ULK2: variants seen among roughly 807,000 people sequenced by gnomAD.
ULK2 encodes serine/threonine-protein kinase ULK2.
In ULK2, 76 loss-of-function variants were observed where a neutral mutation model predicts 127.5. The observed-to-expected ratio is 0.60, with a 90% CI of 0.50 to 0.72. The LOEUF (loss-of-function observed/expected upper bound fraction) is 0.72, where lower values mean the gene tolerates loss of function less well. Among genes scored for constraint, ULK2 ranks in the 30% least tolerant of loss-of-function variants. The pLI is 0.00. For synonymous variants in ULK2, 452 were observed against 461.9 expected, an observed-to-expected ratio of 0.98 and a Z score of 0.28; for missense variants, 1,144 against 1,295.9, an observed-to-expected ratio of 0.88 and a Z score of 1.80.
At chr17:19,793,272 T>A (rs2152384568) in intron 20 of ULK2, among the ~76,000 whole-genome samples, 1 of 152,106 alleles carries the variant, frequency 6.6e-6, no homozygotes, top group African/African-American at 2.4e-5. Context: ...TTCAATTACC[T>A]CCACCTGGCT....
chr17:19,852,002 C>T (rs1016762300), intron 3 of ULK2, among the ~76,000 whole-genome samples: 2 of 142,542 alleles, frequency 1.4e-5, no homozygotes, highest in African/African-American at 2.7e-5. Context: ...GCCGAGATTG[C>T]GCCACTGCAT....
In ULK2 at chr17:19,772,462, G is replaced by C. The variant is rs17720618; in HGVS notation, c.*3887C>G. On this transcript the variant is annotated 3_prime_UTR_variant, in exon 27 of 27. Coordinates refer to ENST00000395544, the MANE Select transcript of ULK2 (RefSeq NM_014683.4). ...AAGGGTCCAGGACTCAGAAAAAAGT[G>C]GTCTGAGGCCGTCTAGAAATAGGCA... The C allele has an allele frequency of 0.085, 12,980 of 152,222 alleles. 752 individuals carry two copies. Among genetic ancestry groups the C allele is most frequent in the Middle Eastern group, 0.14 (41 of 294 alleles). 9.4% of individuals were successfully genotyped at this position (152,222 alleles called of 1,614,324 possible). A position where few individuals can be genotyped will look rare whatever the true frequency, so the allele number is the denominator to read the frequency against.
At chr17:19,838,766 G>A (rs551140270) in intron 9 of ULK2, among the ~76,000 whole-genome samples, 183 bp from the exon 10 acceptor site, 1 of 152,096 alleles carries the variant, frequency 6.6e-6, no homozygotes, top group African/African-American at 2.4e-5. Flanking sequence ...TGTGGTTCAC[G>A]CCTGTAATCC....
intron 12 of ULK2, among the ~76,000 whole-genome samples, chr17:19,817,416 AGGAAG>A (rs1209643773): frequency 6.6e-6 from 1 of 152,222 alleles, no homozygotes; most frequent in Non-Finnish European, 1.5e-5. Context: ...TAGACAAATC[AGGAAG>A]GGTGCCTGCA....
rs2087347464 is a variant in ULK2 at position 19,799,493 on chromosome 17, A to C, written c.1522+2T>G. On this transcript the variant is annotated splice_donor_variant, in intron 17 of 26. Coordinates refer to ENST00000395544, the MANE Select transcript of ULK2 (RefSeq NM_014683.4). LOFTEE classifies it high-confidence loss of function. ...ATTAATAAACCAAATACATTATCCTACCTGAGGAGTTTCTACTCCTGGAGT... is the reference window on the plus strand; with the variant it reads ...ATTAATAAACCAAATACATTATCCTCCCTGAGGAGTTTCTACTCCTGGAGT... 7.7e-6 allele frequency: 12 copies of C among 1,563,166 alleles called. No homozygotes were observed. The highest frequency in any genetic ancestry group is 9.5e-6 in the Non-Finnish European group (11 of 1,162,028).
Position 19,849,419 on chromosome 17 carries a change from GAGAA to G in ULK2, c.259-18_259-15del. The G allele has an allele frequency of 6.2e-7, 1 of 1,601,932 alleles. No individual in the cohort carries two copies. The highest frequency in any genetic ancestry group is 8.5e-7 in the Non-Finnish European group (1 of 1,172,106). On this transcript the variant is annotated splice_polypyrimidine_tract_variant and intron_variant, in intron 4 of 26. Coordinates refer to ENST00000395544, the MANE Select transcript of ULK2 (RefSeq NM_014683.4). ...ACCATTGCAATACTGACATAGAAAA[GAGAA>G]AGTAATGAAAATAAGGACAGTGATT...
intron 21 of ULK2, 116 bp downstream of exon 21, chr17:19,785,821 A>G: frequency 7.8e-7 from 1 of 1,278,086 alleles, no homozygotes; most frequent in Non-Finnish European, 1.0e-6. Context: ...TCACTGGTAA[A>G]GAAACTGAAG....
chr17:19,785,631 A>C (rs1035436517), intron 21 of ULK2, among the ~76,000 whole-genome samples: 1 of 152,062 alleles, frequency 6.6e-6, no homozygotes, highest in Non-Finnish European at 1.5e-5. Flanking sequence ...AGAACCATAT[A>C]CGATTTGCTT....
intron 7 of ULK2, among the ~76,000 whole-genome samples, chr17:19,843,888 G>C (rs1473857599): frequency 6.6e-6 from 1 of 152,010 alleles, no homozygotes; most frequent in South Asian, 2.1e-4. Flanking sequence ...TCGAACTCCT[G>C]ACCTCGTGAT....
At position 19,825,071 on chromosome 17, in the gene ULK2, ATTT is replaced by A. The variant is rs2041253623; in HGVS notation, c.924+20_924+22del. 1 of 1,606,560 alleles carries A rather than the reference ATTT, an allele frequency of 6.2e-7. No homozygotes were observed. The highest frequency in any genetic ancestry group is 1.3e-5 in the African/African-American group (1 of 74,768). ...ATGTAATAGCACTAACTCTGAAATT[ATTT>A]TTAATAAACTGTAACTTACTGGTGG... On this transcript the variant is annotated intron_variant, in intron 12 of 26. Transcript: ENST00000395544.
chr17:19,794,815 C>T (rs1307021019), intron 20 of ULK2, among the ~76,000 whole-genome samples: 10 of 151,828 alleles, frequency 6.6e-5, no homozygotes, highest in Admixed American at 6.6e-4. Context: ...ATGTTGATTC[C>T]TAAAAACCCC....
chr17:19,811,621 T>G (rs1179462670), intron 13 of ULK2, among the ~76,000 whole-genome samples: 1 of 152,056 alleles, frequency 6.6e-6, no homozygotes, highest in Non-Finnish European at 1.5e-5. Context: ...TTTGTATTTT[T>G]AGTAGAGACA....
At chr17:19,850,744 G>GA (rs1279181348) in intron 3 of ULK2, among the ~76,000 whole-genome samples, 1 of 152,074 alleles carries the variant, frequency 6.6e-6, no homozygotes, top group Non-Finnish European at 1.5e-5. Flanking sequence ...AGAATGGCAT[G>GA]AACCTGGGAG....
Position 19,783,717 on chromosome 17 carries a change from G to A in ULK2, c.2440C>T (p.Pro814Ser). The part of the protein sequence containing the change: ...GLITFEAPEL[P>S]EETLMEREHT... ...TCTACCTCCATCAGCGTCTCCTCCG[G>A]CAGTTCAGGGGCTTCAAAGGTGATG... Residue 814 changes from proline (P) to serine (S), a missense_variant, in exon 22 of 27, where the codon CCG becomes TCG. Pro to Ser is a moderately conservative substitution (Grantham distance 74). Coordinates refer to ENST00000395544, the MANE Select transcript of ULK2 (RefSeq NM_014683.4). 6.4e-7 allele frequency: 1 copy of A among 1,553,934 alleles called. No homozygotes were observed. Among genetic ancestry groups the A allele is most frequent in the Non-Finnish European group, 8.7e-7 (1 of 1,149,432 alleles).
At chr17:19,780,210 G>A (rs1456221445) in intron 25 of ULK2, among the ~76,000 whole-genome samples, 2 of 151,620 alleles carry the variant, frequency 1.3e-5, no homozygotes, top group Admixed American at 6.6e-5. Flanking sequence ...ATTAGATCAT[G>A]CCTAATGCCA....
Position 19,841,552 on chromosome 17 carries a change from T to TAAA in ULK2, c.646-8_646-6dup. On this transcript the variant is annotated splice_polypyrimidine_tract_variant and splice_region_variant and intron_variant, in intron 8 of 26. Transcript: ENST00000395544. Reference sequence around the variant, plus strand: ...TAAGTCTTGAGGACTATTGGCCTATTAAAAAAAAAAAGGTTTAATTTCCTA... The same window carrying TAAA: ...TAAGTCTTGAGGACTATTGGCCTATTAAAAAAAAAAAAAAGGTTTAATTTCCTA... 1 of 1,225,380 alleles carries TAAA rather than the reference T, an allele frequency of 8.2e-7. No homozygotes were observed. The highest frequency in any genetic ancestry group is 1.6e-5 in the South Asian group (1 of 64,000). 75.9% of individuals were successfully genotyped at this position (1,225,380 alleles called of 1,614,324 possible).
intron 3 of ULK2, among the ~76,000 whole-genome samples, chr17:19,864,412 T>G (rs1285890884): frequency 6.6e-6 from 1 of 151,950 alleles, no homozygotes; most frequent in African/African-American, 2.4e-5. Flanking sequence ...GAGGTAGCAG[T>G]TGCAGTGAGC....
At chr17:19,791,049 A>G (rs1031827367) in intron 20 of ULK2, among the ~76,000 whole-genome samples, 1 of 152,236 alleles carries the variant, frequency 6.6e-6, no homozygotes, top group African/African-American at 2.4e-5. Flanking sequence ...ACCCCAATAC[A>G]ATAGCTGGAA....
At chr17:19,814,989 A>G (rs1241265888) in intron 13 of ULK2, among the ~76,000 whole-genome samples, 1 of 152,212 alleles carries the variant, frequency 6.6e-6, no homozygotes, top group Non-Finnish European at 1.5e-5. Flanking sequence ...TATACTGAGC[A>G]TTCCAAATGC....
Sources: gnomAD v4.1 joint callset for allele counts (sites outside exome capture counted in the v4.1 genomes callset) on GRCh38, gnomAD v4.1.1 for gene constraint, MANE v1.5 for transcripts, NCBI Gene and HGNC (gene_info 2026-07-23, HGNC 2026-07-21) for gene names.